PTPRT: variants seen among roughly 807,000 people sequenced by gnomAD.
PTPRT encodes the protein receptor-type tyrosine-protein phosphatase T.
In PTPRT, 56 loss-of-function variants were observed where a neutral mutation model predicts 176.8. The observed-to-expected ratio is 0.32, with a 90% CI of 0.26 to 0.40. The LOEUF is 0.40. PTPRT is among the 10% of genes least tolerant of loss of function. The pLI, the probability that PTPRT is intolerant of heterozygous loss-of-function variation, is 1.00. For missense variants in PTPRT, 1,540 were observed against 1,908.2 expected (o/e 0.81, Z 3.60); for synonymous variants, 783 against 739.0 (o/e 1.06, Z -0.96).
chr20:43,188,753 G>C lies in PTPRT; in HGVS notation c.88+893C>G, dbSNP rs1019069455. ...TCTTCCCTCCGCCGCTACTCTTGGG[G>C]GGGGGGGGGCTCGGGGGTGGAAGCT... On this transcript the variant is annotated intron_variant, in intron 1 of 30. Coordinates refer to ENST00000373187, the MANE Select transcript of PTPRT (RefSeq NM_007050.6). Among the ~76,000 whole-genome samples, 4 of 150,498 alleles carry C rather than the reference G, an allele frequency of 2.7e-5. 1 individual carries two copies. The highest frequency in any genetic ancestry group is 7.3e-5 in the African/African-American group (3 of 40,952).
chr20:42,938,437 T>C (rs1266165088), intron 1 of PTPRT, among the ~76,000 whole-genome samples: 1 of 152,186 alleles, frequency 6.6e-6, no homozygotes, highest in Non-Finnish European at 1.5e-5. Context: ...AGAAAATCTG[T>C]TTAAAACATT....
intron 1 of PTPRT, among the ~76,000 whole-genome samples, chr20:42,921,808 G>A (rs539284094): frequency 6.6e-6 from 1 of 152,202 alleles, no homozygotes; most frequent in Non-Finnish European, 1.5e-5. Flanking sequence ...GACCACCCAT[G>A]ACCCTCATGT....
At chr20:42,066,307 G>T in the PTPRT span, among the ~76,000 whole-genome samples, 1 of 152,064 alleles carries the variant, frequency 6.6e-6, no homozygotes, top group Non-Finnish European at 1.5e-5. Context: ...CTCCCAAAGT[G>T]CTGGGATTAC....
chr20:42,272,738 C>T (rs1468176333), intron 13 of PTPRT, among the ~76,000 whole-genome samples: 2 of 152,314 alleles, frequency 1.3e-5, no homozygotes, highest in Non-Finnish European at 2.9e-5. Flanking sequence ...CACACACACA[C>T]ACACACACAT....
intron 1 of PTPRT, among the ~76,000 whole-genome samples, chr20:43,132,875 T>A (rs1026472838): frequency 6.6e-6 from 1 of 152,142 alleles, no homozygotes; most frequent in Non-Finnish European, 1.5e-5. Flanking sequence ...AAAAGCTTTA[T>A]ATATAGTTTA....
intron 3 of PTPRT, among the ~76,000 whole-genome samples, chr20:42,790,794 C>G (rs1353508098): frequency 6.6e-6 from 1 of 152,208 alleles, no homozygotes; most frequent in Non-Finnish European, 1.5e-5. Flanking sequence ...AGCAAACACC[C>G]CATTCCCCAG....
chr20:43,018,918 G>T (rs759255549), intron 1 of PTPRT, among the ~76,000 whole-genome samples: 5 of 152,152 alleles, frequency 3.3e-5, no homozygotes, highest in African/African-American at 4.8e-5. Context: ...ATTGGGAAAT[G>T]TGACAATATT....
At chr20:42,719,209 G>A (rs542908245) in intron 6 of PTPRT, among the ~76,000 whole-genome samples, 11 of 152,278 alleles carry the variant, frequency 7.2e-5, no homozygotes, top group East Asian at 3.9e-4. Context: ...AGAACTGTCC[G>A]CGCAAGAGAT....
chr20:42,116,114 TA>T lies in PTPRT; in HGVS notation c.2983-800del, dbSNP rs902185087. 2.5e-5 allele frequency: 18 copies of T among 718,460 alleles called. No homozygotes were observed. The Admixed American group carries it at 3.2e-4, about 13-fold the overall frequency. The allele number at this position is 718,460 out of a possible 1,614,324, so 44.5% of individuals were successfully genotyped here. On this transcript the variant is annotated intron_variant, in intron 21 of 30. Coordinates refer to ENST00000373187, the MANE Select transcript of PTPRT (RefSeq NM_007050.6). ...CCGCTGGGTGCTAATAGGTGTTAGG[TA>T]AAAAACAAGAAACAAAAAACAAACA...
intron 7 of PTPRT, among the ~76,000 whole-genome samples, chr20:42,651,253 AT>A (rs2075025457): frequency 6.6e-6 from 1 of 152,200 alleles, no homozygotes; most frequent in African/African-American, 2.4e-5. Flanking sequence ...TTAAACTAGA[AT>A]AAATAGGAAT....
chr20:42,204,193 G>A (rs1405774448), intron 15 of PTPRT, among the ~76,000 whole-genome samples: 1 of 152,132 alleles, frequency 6.6e-6, no homozygotes, highest in Non-Finnish European at 1.5e-5. Flanking sequence ...CGGTAACTTA[G>A]CATTTCCTTC....
chr20:42,799,977 T>A (rs952258476), intron 2 of PTPRT, among the ~76,000 whole-genome samples: 8 of 152,194 alleles, frequency 5.3e-5, no homozygotes, highest in African/African-American at 1.9e-4. Flanking sequence ...TCTCCTTGGG[T>A]CTTGTTCCCA....
chr20:42,454,459 T>C (rs2145871501), intron 8 of PTPRT, among the ~76,000 whole-genome samples: 1 of 152,320 alleles, frequency 6.6e-6, no homozygotes, highest in Non-Finnish European at 1.5e-5. Context: ...CCCCAAGCAA[T>C]GTTCTGAAAG....
At position 42,334,210 on chromosome 20, in the gene PTPRT, G is replaced by A. The variant is rs149374207; in HGVS notation, c.1865+16418C>T. Among the ~76,000 whole-genome samples, 748 of 152,162 alleles carry A rather than the reference G, an allele frequency of 4.9e-3. 6 individuals carry two copies. Among genetic ancestry groups the A allele is most frequent in the African/African-American group, 0.017 (694 of 41,500 alleles). ...GACATTTTGGGCTGGATAAGTCTTC[G>A]TTGTAGGGGGCTGGCTGTGCTGTGC... On this transcript the variant is annotated intron_variant, in intron 11 of 30. Coordinates refer to ENST00000373187, the MANE Select transcript of PTPRT (RefSeq NM_007050.6).
chr20:42,266,342 T>TA (rs2056838399), intron 13 of PTPRT, among the ~76,000 whole-genome samples: 1 of 152,210 alleles, frequency 6.6e-6, no homozygotes, highest in South Asian at 2.1e-4. Flanking sequence ...GGATGACCTT[T>TA]AGCACAGCTA....
chr20:42,901,233 A>T lies in PTPRT; in HGVS notation c.89-15301T>A, dbSNP rs551115391. Among the ~76,000 whole-genome samples the T allele has an allele frequency of 1.8e-4, 27 of 152,056 alleles. No homozygotes were observed. The South Asian group carries it at 5.6e-3, about 32-fold the overall frequency. The stretch of plus-strand genomic sequence containing the variant: ...TGTCTTTTCTCATTCCTCTGACTCC[A>T]CCGGACTTCATCACCCTCACGACCT... On this transcript the variant is annotated intron_variant, in intron 1 of 30. Transcript: ENST00000373187.
chr20:42,393,093 C>T (rs2058816396), intron 9 of PTPRT, among the ~76,000 whole-genome samples: 1 of 152,098 alleles, frequency 6.6e-6, no homozygotes, highest in South Asian at 2.1e-4. Context: ...TCTCCATCCC[C>T]CTGTGTCTTC....
At chr20:42,564,193 C>T (rs961455136) in intron 7 of PTPRT, among the ~76,000 whole-genome samples, 1 of 151,286 alleles carries the variant, frequency 6.6e-6, no homozygotes, top group Non-Finnish European at 1.5e-5. Flanking sequence ...TAGTCTCCTT[C>T]ACAGAAAGAA....
At chr20:42,376,095 G>C (rs923045858) in intron 9 of PTPRT, among the ~76,000 whole-genome samples, 1 of 152,202 alleles carries the variant, frequency 6.6e-6, no homozygotes, top group African/African-American at 2.4e-5. Flanking sequence ...ACAGTGGATG[G>C]GGAAAATTGC....
Sources: gnomAD v4.1 joint callset for allele counts (sites outside exome capture counted in the v4.1 genomes callset) on GRCh38, gnomAD v4.1.1 for gene constraint, MANE v1.5 for transcripts, NCBI Gene and HGNC (gene_info 2026-07-23, HGNC 2026-07-21) for gene names.